Variants in PLA2G4A observed in about 807,000 individuals in gnomAD.
The protein encoded by PLA2G4A is cytosolic phospholipase A2.
PLA2G4A carries 40 observed loss-of-function variants against 81.9 expected under a neutral mutation model. That is an observed-to-expected ratio of 0.49 (90% CI 0.38 to 0.64). The LOEUF is 0.64. PLA2G4A is among the 30% of genes least tolerant of loss of function. The pLI, the probability that PLA2G4A is intolerant of heterozygous loss-of-function variation, is 0.00. For missense variants in PLA2G4A, 715 were observed against 905.1 expected, an observed-to-expected ratio of 0.79 and a Z score of 2.69; for synonymous variants, 302 against 296.9, an observed-to-expected ratio of 1.02 and a Z score of -0.18.
At chr1:186,866,009 G>A (rs1653014130) in intron 2 of PLA2G4A, among the ~76,000 whole-genome samples, 1 of 152,170 alleles carries the variant, frequency 6.6e-6, no homozygotes, top group Non-Finnish European at 1.5e-5. Flanking sequence ...GCTTAGATTT[G>A]ACATCTCAAT....
intron 7 of PLA2G4A, among the ~76,000 whole-genome samples, chr1:186,927,164 G>A (rs1333384113): frequency 1.3e-5 from 2 of 152,142 alleles, no homozygotes; most frequent in African/African-American, 4.8e-5. Context: ...CGATTGTTCT[G>A]TGCCCTGTGT....
intron 2 of PLA2G4A, among the ~76,000 whole-genome samples, chr1:186,858,324 T>C (rs919200688): frequency 2.6e-5 from 4 of 152,184 alleles, no homozygotes; most frequent in South Asian, 2.1e-4. Flanking sequence ...TGGTTTCTCA[T>C]TGTGGTTTTG....
chr1:186,939,492 GAAAAAA>G (rs10599543), intron 9 of PLA2G4A, among the ~76,000 whole-genome samples: 5,655 of 143,154 alleles, frequency 0.04, 313 homozygotes, highest in African/African-American at 0.12. Flanking sequence ...CTTTTCTCTG[GAAAAAA>G]AAAAAAAAAA....
intron 3 of PLA2G4A, among the ~76,000 whole-genome samples, chr1:186,882,906 C>T (rs28676882): frequency 0.076 from 11,514 of 151,880 alleles, 541 homozygotes; most frequent in African/African-American, 0.12. Context: ...AGACAACTCT[C>T]GTGTTTCTAG....
intron 7 of PLA2G4A, among the ~76,000 whole-genome samples, chr1:186,925,782 A>G (rs1192642949): frequency 6.6e-6 from 1 of 152,088 alleles, no homozygotes; most frequent in African/African-American, 2.4e-5. Context: ...CCATGGTTGT[A>G]CTTAAAAAAA....
chr1:186,894,226 A>G lies in PLA2G4A; in HGVS notation c.378+15A>G, dbSNP rs1319443551. 1.1e-6 allele frequency: 1 copy of G among 880,502 alleles called. No homozygotes were observed. The highest frequency in any genetic ancestry group is 1.9e-6 in the Non-Finnish European group (1 of 514,524). The allele number at this position is 880,502 out of a possible 1,614,324, so 54.5% of individuals were successfully genotyped here. A position where few individuals can be genotyped will look rare whatever the true frequency, so the allele number is the denominator to read the frequency against. On this transcript the variant is annotated intron_variant, in intron 5 of 17. Transcript: ENST00000367466. ...TTTTCAACCAAGTAAGTAACACTGC[A>G]GAATTATATTCCAACCTTATGTTAG... is the stretch of plus-strand genomic sequence containing the variant.
At chr1:186,943,288 C>T (rs1275416929) in intron 10 of PLA2G4A, among the ~76,000 whole-genome samples, 2 of 152,138 alleles carry the variant, frequency 1.3e-5, no homozygotes, top group Admixed American at 1.3e-4. Context: ...GTTAGAAATT[C>T]CTGACTCCTC....
In PLA2G4A at chr1:186,932,756, G is replaced by A. The variant is rs754632483; in HGVS notation, c.559-7G>A. On this transcript the variant is annotated splice_region_variant and splice_polypyrimidine_tract_variant and intron_variant, in intron 7 of 17. Coordinates refer to ENST00000367466, the MANE Select transcript of PLA2G4A (RefSeq NM_024420.3). Reference sequence around the variant, plus strand: ...TGTGTACAAATCTCTCTGTTGCATCGTTTCAGGTGCCTGTGGTAGCCATAT... The same window carrying A: ...TGTGTACAAATCTCTCTGTTGCATCATTTCAGGTGCCTGTGGTAGCCATAT... 2.8e-5 allele frequency: 45 copies of A among 1,613,050 alleles called. No homozygotes were observed. Among genetic ancestry groups the A allele is most frequent in the East Asian group, 1.3e-4 (6 of 44,878 alleles).
intron 2 of PLA2G4A, among the ~76,000 whole-genome samples, chr1:186,867,933 T>A (rs1490894260): frequency 6.6e-6 from 1 of 152,170 alleles, no homozygotes; most frequent in African/African-American, 2.4e-5. Flanking sequence ...TGTCAAATGC[T>A]TTTTATTCAT....
At chr1:186,922,550 ATCTGC>A (rs1202155838) in intron 7 of PLA2G4A, among the ~76,000 whole-genome samples, 1 of 152,154 alleles carries the variant, frequency 6.6e-6, no homozygotes, top group Non-Finnish European at 1.5e-5. Context: ...TGCTCTCAGG[ATCTGC>A]TTTGCTCAAG....
chr1:186,944,542 C>T (rs939033520), intron 10 of PLA2G4A, among the ~76,000 whole-genome samples: 5 of 152,046 alleles, frequency 3.3e-5, no homozygotes, highest in East Asian at 3.9e-4. Flanking sequence ...ACAAATTCCA[C>T]GTAAATCGTT....
intron 1 of PLA2G4A, among the ~76,000 whole-genome samples, chr1:186,835,137 G>T (rs1371164581): frequency 6.6e-6 from 1 of 152,152 alleles, no homozygotes; most frequent in African/African-American, 2.4e-5. Flanking sequence ...CTGAATTTCA[G>T]TCAGTAAATT....
At chr1:186,979,980 C>T (rs1400653407) in intron 17 of PLA2G4A, among the ~76,000 whole-genome samples, 1 of 128,588 alleles carries the variant, frequency 7.8e-6, no homozygotes, top group African/African-American at 2.9e-5. Context: ...TGGAGTCTCG[C>T]TCTGTCGCCC....
chr1:186,862,458 T>A (rs1333471604), intron 2 of PLA2G4A, among the ~76,000 whole-genome samples: 3 of 152,110 alleles, frequency 2.0e-5, no homozygotes, highest in Non-Finnish European at 4.4e-5. Context: ...GTAATCCACC[T>A]TCCTCAGTTT....
intron 2 of PLA2G4A, among the ~76,000 whole-genome samples, chr1:186,858,085 A>G (rs1306419784): frequency 6.6e-6 from 1 of 152,102 alleles, no homozygotes; most frequent in African/African-American, 2.4e-5. Context: ...ATGTGTCTTT[A>G]TAGTAGCATG....
chr1:186,862,223 C>CTTTTTTTTTTTTTTTTTTT (rs66584780), intron 2 of PLA2G4A, among the ~76,000 whole-genome samples: 1 of 126,300 alleles, frequency 7.9e-6, no homozygotes. Context: ...TAGTTATGAA[C>CTTTTTTTTTTTTTTTTTTT]TTTTTTTTTG....
chr1:186,973,109 TTC>T (rs1657412798), intron 15 of PLA2G4A, among the ~76,000 whole-genome samples: 1 of 152,110 alleles, frequency 6.6e-6, no homozygotes, highest in South Asian at 2.1e-4. Flanking sequence ...TTCCTGGAAC[TTC>T]TGTAACAAAT....
rs1014593526 is a variant in PLA2G4A at position 186,963,116 on chromosome 1, A to G, written c.1580-2293A>G. Among the ~76,000 whole-genome samples the G allele has an allele frequency of 1.1e-4, 17 of 152,328 alleles. No individual in the cohort carries two copies. In the East Asian group the frequency reaches 3.3e-3, roughly 29 times the overall value. On this transcript the variant is annotated intron_variant, in intron 14 of 17. Coordinates refer to ENST00000367466, the MANE Select transcript of PLA2G4A (RefSeq NM_024420.3). ...GTAAATCTTATATATGAAATTTCTG[A>G]TACATAATAGACTCAGTATAAATGA...
At chr1:186,949,358 AAGAG>A (rs900588334) in intron 12 of PLA2G4A, among the ~76,000 whole-genome samples, 5 of 138,578 alleles carry the variant, frequency 3.6e-5, no homozygotes, top group African/African-American at 1.1e-4. Flanking sequence ...GAAAGAAAGA[AAGAG>A]AAAGAAAGAA....
Sources: gnomAD v4.1 joint callset for allele counts (sites outside exome capture counted in the v4.1 genomes callset) on GRCh38, gnomAD v4.1.1 for gene constraint, MANE v1.5 for transcripts, NCBI Gene and HGNC (gene_info 2026-07-23, HGNC 2026-07-21) for gene names.